Variants in NASP observed in about 807,000 individuals in gnomAD.
NASP encodes NASP histone chaperone.
A neutral mutation model predicts 89.5 loss-of-function variants in NASP; 24 were observed. The ratio of observed to expected loss-of-function variants is 0.27; its 90% confidence interval spans 0.19 to 0.38. The LOEUF (loss-of-function observed/expected upper bound fraction) is 0.38, where lower values mean the gene tolerates loss of function less well. Among genes scored for constraint, NASP ranks in the 10% least tolerant of loss-of-function variants. The pLI is 1.00. For synonymous variants in NASP, 306 were observed against 324.7 expected, an observed-to-expected ratio of 0.94 and a Z score of 0.62; for missense variants, 848 against 921.4, an observed-to-expected ratio of 0.92 and a Z score of 1.03.
chr1:45,598,654 G>A (rs1327817819), intron 2 of NASP, among the ~76,000 whole-genome samples: 1 of 152,090 alleles, frequency 6.6e-6, no homozygotes, highest in Admixed American at 6.6e-5. Context: ...ATATCTTGGA[G>A]GTCTAATAGG....
chr1:45,616,306 CAAACT>C, intron 11 of NASP, 26 bp from the exon 12 acceptor site: 1 of 1,610,914 alleles, frequency 6.2e-7, no homozygotes, highest in Non-Finnish European at 8.5e-7. Flanking sequence ...GTTCTATCTT[CAAACT>C]AATTTGGATT....
chr1:45,616,840 A>C (rs775662602), intron 13 of NASP, 137 bp downstream of exon 13: 2 of 828,048 alleles, frequency 2.4e-6, no homozygotes, highest in Non-Finnish European at 3.9e-6. Context: ...GTGAGTGGAG[A>C]CTGTTGTGTT....
In NASP at chr1:45,615,364, A is replaced by G. The variant is rs1644087776; in HGVS notation, c.1915A>G (p.Ile639Val). 6.2e-7 allele frequency: 1 copy of G among 1,614,244 alleles called. No homozygotes were observed. The highest frequency in any genetic ancestry group is 8.5e-7 in the Non-Finnish European group (1 of 1,180,030). Residue 639 changes from isoleucine (I) to valine (V), a missense_variant, in exon 11 of 15, where the codon ATT (isoleucine) becomes GTT (valine). Around this residue, in one of 5 missense-constraint regions of NASP, gnomAD observed 218 missense variants for 219.6 expected, o/e 0.99. Coordinates refer to ENST00000350030, the MANE Select transcript of NASP (RefSeq NM_002482.4). ...ATCGTCTGCTGAATACAAGAAAGAA[A>G]TTGAGGAACTAAAGGAACTGCTACC... ...EGSSAEYKKE[I>V]EELKELLPEI...
chr1:45,588,017 A>G (rs915868353), intron 1 of NASP, among the ~76,000 whole-genome samples: 2 of 151,768 alleles, frequency 1.3e-5, no homozygotes, highest in Admixed American at 1.3e-4. Flanking sequence ...ACACGGGCAT[A>G]TCACTTGAAG....
chr1:45,587,687 T>TATATACATATATATATATATATATAA (rs66829841), intron 1 of NASP, among the ~76,000 whole-genome samples: 1 of 78,200 alleles, frequency 1.3e-5, no homozygotes, highest in Non-Finnish European at 2.3e-5. Context: ...TATATATATA[T>TATATACATATATATATATATATATAA]AATTAATTTT....
At chr1:45,604,778 A>T in intron 3 of NASP, 158 bp from the exon 4 acceptor site, 1 of 577,190 alleles carries the variant, frequency 1.7e-6, no homozygotes, top group Non-Finnish European at 3.1e-6. Flanking sequence ...CAAAATTTTC[A>T]TGCATTGTTT....
At chr1:45,613,125 C>A in intron 6 of NASP, 44 bp from the exon 7 acceptor site, 4 of 1,576,574 alleles carry the variant, frequency 2.5e-6, no homozygotes, top group Non-Finnish European at 3.4e-6. Flanking sequence ...AGTCAGAATA[C>A]GTTCTTAGTT....
intron 14 of NASP, among the ~76,000 whole-genome samples, chr1:45,617,843 C>G (rs1270567736): frequency 6.6e-6 from 1 of 152,196 alleles, no homozygotes; most frequent in African/African-American, 2.4e-5. Context: ...TGGGCAAAAC[C>G]ATTAGGTCAC....
In NASP at chr1:45,584,093, C is replaced by T. The variant is rs766222197; in HGVS notation, c.-54C>T. 4.9e-5 allele frequency: 74 copies of T among 1,508,678 alleles called. No homozygotes were observed. Among genetic ancestry groups the T allele is most frequent in the Non-Finnish European group, 6.5e-5 (72 of 1,108,132 alleles). The allele number at this position is 1,508,678 out of a possible 1,614,324, so 93.5% of individuals were successfully genotyped here. A position where few individuals can be genotyped will look rare whatever the true frequency, so the allele number is the denominator to read the frequency against. Reference sequence around the variant, plus strand: ...GTGAGTCTCTGGCGTCCCAAATTGCCTGTTTTTCTCGCAGGCTCTATTCCG... The same window carrying T: ...GTGAGTCTCTGGCGTCCCAAATTGCTTGTTTTTCTCGCAGGCTCTATTCCG... On this transcript the variant is annotated 5_prime_UTR_variant, in exon 1 of 15. Coordinates refer to ENST00000350030, the MANE Select transcript of NASP (RefSeq NM_002482.4).
At chr1:45,591,359 A>G (rs750452985) in intron 2 of NASP, 89 bp downstream of exon 2, 7 of 973,098 alleles carry the variant, frequency 7.2e-6, no homozygotes, top group Non-Finnish European at 1.1e-5. Flanking sequence ...TTTTTAATTA[A>G]TTTATTTTTG....
chr1:45,616,270 C>CT (rs1292118565), intron 11 of NASP, 67 bp from the exon 12 acceptor site: 20 of 1,407,456 alleles, frequency 1.4e-5, no homozygotes, highest in Non-Finnish European at 1.8e-5. Flanking sequence ...TGATGGGTTC[C>CT]TGTTACAAGG....
At chr1:45,617,993 C>T in intron 14 of NASP, 68 bp from the exon 15 acceptor site, 1 of 1,392,182 alleles carries the variant, frequency 7.2e-7, no homozygotes, top group Non-Finnish European at 1.0e-6. Flanking sequence ...ATGACTGAGG[C>T]CTCAGTTATA....
intron 1 of NASP, among the ~76,000 whole-genome samples, chr1:45,585,560 T>C (rs1390939826): frequency 6.6e-6 from 1 of 152,202 alleles, no homozygotes; most frequent in East Asian, 1.9e-4. Flanking sequence ...ATAAGCAGTA[T>C]AGATTGGGCT....
intron 11 of NASP, 140 bp downstream of exon 11, chr1:45,615,611 G>T: frequency 1.4e-6 from 1 of 737,418 alleles, no homozygotes; most frequent in Non-Finnish European, 2.2e-6. Context: ...GTAATGCAGT[G>T]GTTAAGAGGA....
At position 45,615,166 on chromosome 1, in the gene NASP, T is replaced by G; in HGVS notation, c.1820T>G (p.Phe607Cys). Residue 607 changes from phenylalanine to cysteine, a missense_variant, in exon 10 of 15, where the codon TTC (phenylalanine) becomes TGC (cysteine). By Grantham distance (205) the Phe-to-Cys change is radical. Around this residue, in one of 5 missense-constraint regions of NASP, gnomAD observed 218 missense variants for 219.6 expected, o/e 0.99. Transcript: ENST00000350030. ...NSQYDEAVAQ[F>C]SKSIEVIENR... Reference sequence around the variant, plus strand: ...CAGTATGATGAGGCAGTGGCACAGTTCAGCAAATCTATTGAAGTCATTGAG... The same window carrying G: ...CAGTATGATGAGGCAGTGGCACAGTGCAGCAAATCTATTGAAGTCATTGAG... 1 of 1,614,196 alleles carries G rather than the reference T, an allele frequency of 6.2e-7. No individual in the cohort carries two copies. Among genetic ancestry groups the G allele is most frequent in the East Asian group, 2.2e-5 (1 of 44,886 alleles).
chr1:45,608,405 A>G, intron 6 of NASP, 68 bp downstream of exon 6: 2 of 1,482,296 alleles, frequency 1.3e-6, no homozygotes, highest in Non-Finnish European at 1.8e-6. Context: ...AATTATGGGT[A>G]AAAGTCAGCC....
At chr1:45,614,045 A>T in intron 7 of NASP, 51 bp from the exon 8 acceptor site, 1 of 1,376,334 alleles carries the variant, frequency 7.3e-7, no homozygotes, top group Non-Finnish European at 1.0e-6. Context: ...ATACATTTAG[A>T]TTTGTATTTG....
At position 45,608,053 on chromosome 1, in the gene NASP, A is replaced by G. The variant is rs528141974; in HGVS notation, c.1142A>G (p.Asn381Ser). 2.4e-5 allele frequency: 39 copies of G among 1,614,006 alleles called. No homozygotes were observed. The highest frequency in any genetic ancestry group is 3.3e-5 in the Admixed American group (2 of 60,020). ...GTTCTCCCTAAGGATGGTGCAGTCA[A>G]TGGACCGTCAGTTGTAGGAGATCAG... ...APVLPKDGAV[N>S]GPSVVGDQTP... Residue 381 changes from asparagine to serine, a missense_variant, in exon 6 of 15, where the codon AAT (asparagine) becomes AGT (serine). Physicochemically the swap from Asn to Ser is conservative, Grantham distance 46 (BLOSUM62 1). Transcript: ENST00000350030.
chr1:45,595,179 GTGTGTGTGTT>G (rs1407442015), intron 2 of NASP, among the ~76,000 whole-genome samples: 8 of 141,488 alleles, frequency 5.7e-5, no homozygotes, highest in African/African-American at 2.2e-4. Flanking sequence ...GTGTGTGTGT[GTGTGTGTGTT>G]TTAGAGACAG....
Sources: gnomAD v4.1 joint callset for allele counts (sites outside exome capture counted in the v4.1 genomes callset) on GRCh38, gnomAD v4.1.1 for gene constraint, gnomAD v4.1.1 regional missense constraint, MANE v1.5 for transcripts, NCBI Gene and HGNC (gene_info 2026-07-23, HGNC 2026-07-21) for gene names.